The following C1QTNF3 variants were observed in gnomAD, a reference collection of about 807,000 sequenced individuals.
C1QTNF3 encodes C1q and TNF related 3.
A neutral mutation model predicts 32.6 loss-of-function variants in C1QTNF3; 26 were observed. That is an observed-to-expected ratio of 0.80 (90% confidence interval 0.58 to 1.11). The LOEUF is 1.11. C1QTNF3 is among the 50% of genes least tolerant of loss of function. The probability of loss-of-function intolerance (pLI) is 0.00; values close to 1 mark genes in which losing one functional copy is unlikely to be tolerated. For synonymous variants in C1QTNF3, 155 were observed against 146.0 expected (o/e 1.06, Z -0.44); for missense variants, 362 against 398.2 (o/e 0.91, Z 0.77).
chr5:34,128,896 T>C, the C1QTNF3 span, among the ~76,000 whole-genome samples: 6 of 152,162 alleles, frequency 3.9e-5, no homozygotes, highest in African/African-American at 7.2e-5. Flanking sequence ...GAAGGCATGA[T>C]TGGCTTTGAA....
chr5:34,194,877 G>A, the C1QTNF3 span, among the ~76,000 whole-genome samples: 30 of 148,820 alleles, frequency 2.0e-4, no homozygotes, highest in Non-Finnish European at 4.5e-4. Flanking sequence ...CATAATATCC[G>A]ATGTAAATGT....
chr5:34,175,286 C>A, the C1QTNF3 span, among the ~76,000 whole-genome samples: 1 of 152,058 alleles, frequency 6.6e-6, no homozygotes, highest in African/African-American at 2.4e-5. Context: ...CTCAAGCAAT[C>A]CTCCCACCTT....
the C1QTNF3 span, among the ~76,000 whole-genome samples, chr5:34,213,570 A>C: frequency 6.6e-6 from 1 of 150,914 alleles, no homozygotes; most frequent in African/African-American, 2.4e-5. Flanking sequence ...TACATAATAG[A>C]ATACAGTTTG....
chr5:34,162,766 G>T, the C1QTNF3 span, among the ~76,000 whole-genome samples: 1 of 152,142 alleles, frequency 6.6e-6, no homozygotes, highest in African/African-American at 2.4e-5. Context: ...AATGTGAAGA[G>T]TTCAACAAAA....
the C1QTNF3 span, among the ~76,000 whole-genome samples, chr5:34,091,601 T>C: frequency 6.6e-6 from 1 of 152,286 alleles, no homozygotes. Flanking sequence ...ATATCCTCTA[T>C]CGTTACATGG....
At chr5:34,113,466 A>G in the C1QTNF3 span, among the ~76,000 whole-genome samples, 1 of 151,924 alleles carries the variant, frequency 6.6e-6, no homozygotes, top group African/African-American at 2.4e-5. Context: ...TCTTTGTCTC[A>G]TTTTTAACCT....
At chr5:34,102,085 C>T in the C1QTNF3 span, among the ~76,000 whole-genome samples, 1 of 148,080 alleles carries the variant, frequency 6.8e-6, no homozygotes, top group Admixed American at 6.8e-5. Context: ...AAATAGAAAG[C>T]CCTTGCTATA....
At chr5:34,139,745 T>A in the C1QTNF3 span, among the ~76,000 whole-genome samples, 1 of 152,186 alleles carries the variant, frequency 6.6e-6, no homozygotes, top group Non-Finnish European at 1.5e-5. Flanking sequence ...ATCTAGGAGA[T>A]CCTAGGCACC....
the C1QTNF3 span, among the ~76,000 whole-genome samples, chr5:34,093,702 TATAC>T: frequency 6.7e-6 from 1 of 149,750 alleles, no homozygotes; most frequent in Non-Finnish European, 1.5e-5. Flanking sequence ...CTAGTTTATA[TATAC>T]CTACCCTAGC....
In C1QTNF3 at chr5:34,027,425, A is replaced by C. The variant is rs552042005; in HGVS notation, c.700+1329T>G. Reference sequence around the variant, plus strand: ...TACAAAGTGGTATATTCTTGCTGGCATGGTGGCTTACACCTGTAATTCCAG... The same window carrying C: ...TACAAAGTGGTATATTCTTGCTGGCCTGGTGGCTTACACCTGTAATTCCAG... On this transcript the variant is annotated intron_variant, in intron 4 of 5. Coordinates refer to ENST00000382065, the MANE Select transcript of C1QTNF3 (RefSeq NM_181435.6). Among the ~76,000 whole-genome samples the C allele has an allele frequency of 9.2e-5, 14 of 152,338 alleles. No homozygotes were observed. The South Asian group carries it at 2.7e-3, about 29-fold the overall frequency.
At chr5:34,236,563 CTTTTTTCTTT>C in the C1QTNF3 span, among the ~76,000 whole-genome samples, 18 of 45,328 alleles carry the variant, frequency 4.0e-4, no homozygotes, top group East Asian at 8.7e-3. Context: ...TTTCTTTTTT[CTTTTTTCTTT>C]TTTTTTTTTT....
At chr5:34,103,512 T>A in the C1QTNF3 span, among the ~76,000 whole-genome samples, 1 of 149,196 alleles carries the variant, frequency 6.7e-6, no homozygotes, top group East Asian at 1.9e-4. Flanking sequence ...TGTCTTATCT[T>A]TGGTATAAAG....
At chr5:34,035,905 T>A (rs1483337130) in intron 1 of C1QTNF3, 147 bp from the exon 2 acceptor site, 2 of 636,730 alleles carry the variant, frequency 3.1e-6, no homozygotes, top group Admixed American at 5.9e-5. Context: ...GGTGGAGATA[T>A]CAATGGCAAA....
intron 2 of C1QTNF3, among the ~76,000 whole-genome samples, chr5:34,034,670 A>G (rs1754693993): frequency 6.6e-6 from 1 of 152,192 alleles, no homozygotes; most frequent in African/African-American, 2.4e-5. Flanking sequence ...TCCTGGTTAG[A>G]AAACATTTAA....
the C1QTNF3 span, among the ~76,000 whole-genome samples, chr5:34,055,301 G>A: frequency 6.6e-6 from 1 of 152,216 alleles, no homozygotes; most frequent in Non-Finnish European, 1.5e-5. Flanking sequence ...CTACCACATG[G>A]TAGAAAGAAG....
At chr5:34,112,438 T>A in the C1QTNF3 span, among the ~76,000 whole-genome samples, 1 of 150,554 alleles carries the variant, frequency 6.6e-6, no homozygotes, top group Non-Finnish European at 1.5e-5. Context: ...GGCTGGAGGA[T>A]CACTTGACCT....
chr5:34,229,806 T>C, the C1QTNF3 span, among the ~76,000 whole-genome samples: 1 of 152,182 alleles, frequency 6.6e-6, no homozygotes, highest in Admixed American at 6.5e-5. Flanking sequence ...ATCTATTAAT[T>C]GGCAGTGTGA....
At chr5:34,188,879 C>T in the C1QTNF3 span, among the ~76,000 whole-genome samples, 1 of 152,096 alleles carries the variant, frequency 6.6e-6, no homozygotes, top group South Asian at 2.1e-4. Context: ...TGGCTCTGTC[C>T]CCACCCAAAT....
the C1QTNF3 span, among the ~76,000 whole-genome samples, chr5:34,207,679 T>C: frequency 6.6e-6 from 1 of 152,296 alleles, no homozygotes. Flanking sequence ...CTACTGACTC[T>C]TAAATCCCAA....
Sources: gnomAD v4.1 joint callset for allele counts (sites outside exome capture counted in the v4.1 genomes callset) on GRCh38, gnomAD v4.1.1 for gene constraint, MANE v1.5 for transcripts, NCBI Gene and HGNC (gene_info 2026-07-23, HGNC 2026-07-21) for gene names.